The following TXNDC16 variants were observed in gnomAD, a reference collection of about 807,000 sequenced individuals.
TXNDC16 encodes the protein thioredoxin domain-containing protein 16.
In TXNDC16, 74 loss-of-function variants were observed where a neutral mutation model predicts 85.6. The observed-to-expected ratio is 0.86, with a 90% CI of 0.72 to 1.05. The LOEUF (loss-of-function observed/expected upper bound fraction) is 1.05, where lower values mean the gene tolerates loss of function less well. Ranked by LOEUF, TXNDC16 falls within the 50% of genes least tolerant of loss-of-function variation. The pLI is 0.00. For synonymous variants in TXNDC16, 335 were observed against 326.5 expected, an observed-to-expected ratio of 1.03 and a Z score of -0.28; for missense variants, 959 against 947.0, an observed-to-expected ratio of 1.01 and a Z score of -0.17.
intron 16 of TXNDC16, among the ~76,000 whole-genome samples, chr14:52,457,740 A>G (rs1400242874): frequency 2.0e-5 from 3 of 152,232 alleles, no homozygotes. Context: ...AACTTTGATT[A>G]ATTTGTATTG....
At chr14:52,458,274 A>T (rs145276257) in intron 16 of TXNDC16, among the ~76,000 whole-genome samples, 217 of 152,278 alleles carry the variant, frequency 1.4e-3, no homozygotes, top group African/African-American at 5.2e-3. Flanking sequence ...TAATGAGACA[A>T]CTGGCCAGGT....
chr14:52,518,179 T>C (rs939014171), intron 7 of TXNDC16, among the ~76,000 whole-genome samples: 1 of 152,248 alleles, frequency 6.6e-6, no homozygotes, highest in Non-Finnish European at 1.5e-5. Flanking sequence ...AAGTATCTAA[T>C]AGGTTCAGTC....
At position 52,543,564 on chromosome 14, in the gene TXNDC16, C is replaced by T. The variant is rs766648367; in HGVS notation, c.-7G>A. ...CATTGAAGCCGGAAAACATTATCAG[C>T]TGCAGTTGTATCTGAGCGGATTTTG... On this transcript the variant is annotated 5_prime_UTR_variant, in exon 3 of 21. Transcript: ENST00000281741. 6.2e-7 allele frequency: 1 copy of T among 1,612,736 alleles called. No individual in the cohort carries two copies. Among genetic ancestry groups the T allele is most frequent in the South Asian group, 1.1e-5 (1 of 90,786 alleles).
rs2037879313 is a variant in TXNDC16, at chr14:52,543,533, T to C, written c.25A>G (p.Arg9Gly). The C allele has an allele frequency of 1.2e-6, 2 of 1,613,024 alleles. No homozygotes were observed. The highest frequency in any genetic ancestry group is 1.7e-6 in the Non-Finnish European group (2 of 1,179,608). ...ATTATGACAAAAGAGATCCCAACTC[T>C]AAAGACATTGAAGCCGGAAAACATT... MFSGFNVF[R>G]VGISFVIMCI... The change falls in exon 3 of 21, where the codon AGA becomes GGA. Residue 9 changes from arginine to glycine, a missense_variant. Physicochemically the swap from Arg to Gly is moderately radical, Grantham distance 125 (BLOSUM62 -2). Transcript: ENST00000281741.
At chr14:52,496,942 C>G (rs1166288569) in intron 9 of TXNDC16, among the ~76,000 whole-genome samples, 2 of 151,752 alleles carry the variant, frequency 1.3e-5, no homozygotes, top group African/African-American at 2.4e-5. Context: ...TTCCATTTGA[C>G]AAAAAACAAA....
chr14:52,529,899 A>ATAT (rs1427101614), intron 6 of TXNDC16, among the ~76,000 whole-genome samples: 1 of 103,864 alleles, frequency 9.6e-6, no homozygotes, highest in Non-Finnish European at 1.7e-5. Context: ...TATATATTAT[A>ATAT]TATTATATAT....
chr14:52,542,238 A>T, intron 4 of TXNDC16, 133 bp downstream of exon 4: 1 of 630,144 alleles, frequency 1.6e-6, no homozygotes, highest in African/African-American at 1.8e-5. Context: ...GCTTCTGTTT[A>T]TTCTTATGAA....
At chr14:52,460,156 C>T (rs553543096) in intron 16 of TXNDC16, among the ~76,000 whole-genome samples, 73 of 152,256 alleles carry the variant, frequency 4.8e-4, no homozygotes, top group African/African-American at 1.7e-3. Context: ...GGGAGGATAA[C>T]GTGAGCTCAG....
At chr14:52,467,353 T>C (rs947767194) in intron 16 of TXNDC16, among the ~76,000 whole-genome samples, 3 of 152,114 alleles carry the variant, frequency 2.0e-5, no homozygotes, top group Non-Finnish European at 4.4e-5. Context: ...ACAAATCAAA[T>C]CTTTGATAAA....
Position 52,440,569 on chromosome 14 carries a change from T to G in TXNDC16, c.1998A>C (p.Leu666Phe). The change falls in exon 19 of 21, where the codon TTA (leucine) becomes TTC (phenylalanine). Residue 666 changes from leucine to phenylalanine, a missense_variant. Transcript: ENST00000281741. ...KYLDSFTPCW[L>F]NLKNTPVGRG... ...AAAAATAAACACATACTTACAGATT[T>G]AACCAGCATGGAGTAAATGAATCCA... 1 of 1,585,436 alleles carries G rather than the reference T, an allele frequency of 6.3e-7. No individual in the cohort carries two copies. Among genetic ancestry groups the G allele is most frequent in the Non-Finnish European group, 8.5e-7 (1 of 1,169,878 alleles).
chr14:52,519,431 A>C (rs1250352986), intron 6 of TXNDC16, 138 bp from the exon 7 acceptor site: 1 of 620,680 alleles, frequency 1.6e-6, no homozygotes, highest in Non-Finnish European at 2.7e-6. Context: ...TAAGCATTTT[A>C]ATAATACTAA....
Position 52,479,072 on chromosome 14 carries a change from A to G in TXNDC16, c.1312+3158T>C, listed in dbSNP as rs138208248. 4.9e-4 allele frequency among the ~76,000 whole-genome samples: 74 copies of G among 152,342 alleles called. No individual in the cohort carries two copies. The East Asian group carries it at 0.013, about 27-fold the overall frequency. On this transcript the variant is annotated intron_variant, in intron 14 of 20. Transcript: ENST00000281741. Reference sequence around the variant, plus strand: ...AATCAAAAACAAAAATCACATGATCATCTCAATAGATGCAGAAAAAGCATT... The same window carrying G: ...AATCAAAAACAAAAATCACATGATCGTCTCAATAGATGCAGAAAAAGCATT...
At chr14:52,500,208 C>T (rs905615390) in intron 9 of TXNDC16, among the ~76,000 whole-genome samples, 2 of 152,142 alleles carry the variant, frequency 1.3e-5, no homozygotes, top group Non-Finnish European at 2.9e-5. Flanking sequence ...GCAACCTAAA[C>T]GTCTATCAAT....
intron 9 of TXNDC16, among the ~76,000 whole-genome samples, chr14:52,509,336 G>C (rs1049430762): frequency 2.0e-5 from 3 of 152,028 alleles, no homozygotes; most frequent in Non-Finnish European, 4.4e-5. Context: ...TCAACTATTC[G>C]AAGAGAAGGA....
intron 18 of TXNDC16, among the ~76,000 whole-genome samples, chr14:52,454,783 T>G (rs2140114834): frequency 6.6e-6 from 1 of 151,102 alleles, no homozygotes; most frequent in South Asian, 2.1e-4. Flanking sequence ...AGCAACAGAG[T>G]GAGACCCATC....
In TXNDC16 at chr14:52,482,275, T is replaced by A. The variant is rs540636991; in HGVS notation, c.1267A>T (p.Met423Leu). 2.0e-5 allele frequency: 32 copies of A among 1,611,948 alleles called. No individual in the cohort carries two copies. The highest frequency in any genetic ancestry group is 1.6e-4 in the Middle Eastern group (1 of 6,074). ...LFYAGWQAVS[M>L]AFLQSYIDVA... is the part of the protein sequence containing the mutation. ...TCAATATAGGATTGCAAAAATGCCATGGATACTGCTTGCCCTATATGAAAA... is the reference window on the plus strand; with the variant it reads ...TCAATATAGGATTGCAAAAATGCCAAGGATACTGCTTGCCCTATATGAAAA... The change falls in exon 14 of 21, where the codon ATG (methionine) becomes TTG (leucine). Residue 423 changes from methionine to leucine, a missense_variant. Transcript: ENST00000281741.
chr14:52,525,741 T>A (rs1033909845), intron 6 of TXNDC16, among the ~76,000 whole-genome samples: 1 of 103,190 alleles, frequency 9.7e-6, no homozygotes, highest in Admixed American at 1.0e-4. Context: ...ATAATAATAA[T>A]AATAAATAAA....
At chr14:52,505,536 T>C (rs1372573716) in intron 9 of TXNDC16, among the ~76,000 whole-genome samples, 1 of 152,170 alleles carries the variant, frequency 6.6e-6, no homozygotes, top group African/African-American at 2.4e-5. Context: ...AGACATGACA[T>C]ACCAGAATCT....
chr14:52,513,664 G>GTGTA (rs1555340354), intron 8 of TXNDC16, among the ~76,000 whole-genome samples: 16 of 148,064 alleles, frequency 1.1e-4, no homozygotes, highest in Non-Finnish European at 2.1e-4. Context: ...GTGTGTGTGT[G>GTGTA]TATATACATA....
Sources: gnomAD v4.1 joint callset for allele counts (sites outside exome capture counted in the v4.1 genomes callset) on GRCh38, gnomAD v4.1.1 for gene constraint, MANE v1.5 for transcripts, NCBI Gene and HGNC (gene_info 2026-07-23, HGNC 2026-07-21) for gene names.